PTPRD: variants seen among roughly 807,000 people sequenced by gnomAD.
PTPRD encodes receptor-type tyrosine-protein phosphatase delta.
In PTPRD, 34 loss-of-function variants were observed where a neutral mutation model predicts 214.5. The ratio of observed to expected loss-of-function variants is 0.16; its 90% confidence interval spans 0.12 to 0.21. The LOEUF is 0.21. PTPRD is among the 10% of genes least tolerant of loss of function. The pLI, the probability that PTPRD is intolerant of heterozygous loss-of-function variation, is 1.00. For synonymous variants in PTPRD, 1,128 were observed against 845.7 expected (o/e 1.33, Z -5.79); for missense variants, 2,545 against 2,398.7 (o/e 1.06, Z -1.27).
intron 6 of PTPRD, among the ~76,000 whole-genome samples, chr9:9,739,690 TATA>T (rs1179039554): frequency 6.6e-6 from 1 of 152,064 alleles, no homozygotes; most frequent in Non-Finnish European, 1.5e-5. Flanking sequence ...CAATATATGA[TATA>T]ATATTTTCCA....
chr9:10,365,777 C>G (rs1355061150), intron 2 of PTPRD, among the ~76,000 whole-genome samples: 2 of 152,060 alleles, frequency 1.3e-5, no homozygotes, highest in Non-Finnish European at 2.9e-5. Context: ...GTTAATACTA[C>G]AAATAATATT....
chr9:9,067,691 A>G (rs1356718839), intron 10 of PTPRD, among the ~76,000 whole-genome samples: 3 of 152,232 alleles, frequency 2.0e-5, no homozygotes, highest in Non-Finnish European at 4.4e-5. Flanking sequence ...GAAATAACAC[A>G]GAGAGACATC....
intron 3 of PTPRD, among the ~76,000 whole-genome samples, chr9:10,290,865 A>C (rs950293658): frequency 6.6e-6 from 1 of 152,138 alleles, no homozygotes; most frequent in African/African-American, 2.4e-5. Context: ...GGAAGTACAC[A>C]TGCAAAATCC....
rs1270234345 is a variant in PTPRD at position 8,331,347 on chromosome 9, A to G, written c.5534+235T>C. On this transcript the variant is annotated intron_variant, in intron 44 of 45. Coordinates refer to ENST00000381196, the MANE Select transcript of PTPRD (RefSeq NM_002839.4). ...GTAAAATTGGTAATTTGGTTTGTCT[A>G]ATAGGAAGCAAATTTTTTGGGGGAT... Among the ~76,000 whole-genome samples, 5 of 152,150 alleles carry G rather than the reference A, an allele frequency of 3.3e-5. No homozygotes were observed. The South Asian group carries it at 8.3e-4, about 25-fold the overall frequency.
intron 11 of PTPRD, among the ~76,000 whole-genome samples, chr9:8,967,492 TA>T (rs2099204721): frequency 6.6e-6 from 1 of 151,902 alleles, no homozygotes; most frequent in African/African-American, 2.4e-5. Flanking sequence ...TACATAGCCA[TA>T]AAAAAATAAA....
At chr9:9,768,835 A>G (rs752843647) in intron 5 of PTPRD, among the ~76,000 whole-genome samples, 1 of 152,224 alleles carries the variant, frequency 6.6e-6, no homozygotes, top group African/African-American at 2.4e-5. Context: ...TATCACAGAG[A>G]AACGTGGTAC....
intron 4 of PTPRD, among the ~76,000 whole-genome samples, chr9:9,948,765 C>A (rs1326671367): frequency 6.6e-6 from 1 of 151,684 alleles, no homozygotes; most frequent in Non-Finnish European, 1.5e-5. Flanking sequence ...TTAGCCTAAC[C>A]CAATAAATAG....
chr9:9,384,343 CTTTTTTTTTTT>C (rs869246078), intron 9 of PTPRD, among the ~76,000 whole-genome samples: 32 of 33,288 alleles, frequency 9.6e-4, no homozygotes, highest in South Asian at 1.8e-3. Context: ...GAAGACTAGG[CTTTTTTTTTTT>C]TTTTTTTTTT....
chr9:9,531,736 A>G (rs933176311), intron 8 of PTPRD, among the ~76,000 whole-genome samples: 2 of 152,094 alleles, frequency 1.3e-5, no homozygotes, highest in Non-Finnish European at 2.9e-5. Flanking sequence ...TTTGTGCTCA[A>G]GGTTTTGTTT....
chr9:9,159,129 T>C (rs1378559884), intron 10 of PTPRD, among the ~76,000 whole-genome samples: 1 of 152,198 alleles, frequency 6.6e-6, no homozygotes, highest in Non-Finnish European at 1.5e-5. Flanking sequence ...TGAAAGCTTT[T>C]CCTTTAAGGT....
intron 5 of PTPRD, among the ~76,000 whole-genome samples, chr9:9,865,394 G>C (rs1339624610): frequency 6.6e-6 from 1 of 152,182 alleles, no homozygotes; most frequent in African/African-American, 2.4e-5. Flanking sequence ...TATCATGGGA[G>C]AGGGACTGGT....
intron 9 of PTPRD, among the ~76,000 whole-genome samples, chr9:9,330,895 A>T (rs577467242): frequency 2.0e-5 from 3 of 151,786 alleles, no homozygotes; most frequent in Non-Finnish European, 4.4e-5. Flanking sequence ...ATTTTTGGGG[A>T]AAAGAAGAGC....
intron 11 of PTPRD, among the ~76,000 whole-genome samples, chr9:8,931,207 G>C (rs138918270): frequency 0.011 from 1,744 of 151,802 alleles, 50 homozygotes; most frequent in African/African-American, 0.04. Context: ...AGCACCATTT[G>C]TTAAATAGGG....
At chr9:8,750,060 C>T (rs374713783) in intron 11 of PTPRD, among the ~76,000 whole-genome samples, 6 of 151,728 alleles carry the variant, frequency 4.0e-5, no homozygotes, top group African/African-American at 1.2e-4. Flanking sequence ...CAAGCTCGCG[C>T]CACTGCACTC....
intron 9 of PTPRD, among the ~76,000 whole-genome samples, chr9:9,266,472 A>G (rs1594826550): frequency 6.6e-6 from 1 of 151,538 alleles, no homozygotes; most frequent in East Asian, 2.0e-4. Context: ...CACATGGAAC[A>G]TTCTCCAAGA....
rs919613930 is a variant in PTPRD at position 9,286,544 on chromosome 9, C to T, written c.-202-103181G>A. ...CACATTACTTCCTTTGATGAGCATA[C>T]GTTTTTCTAATTACTTTTTCCCTTA... On this transcript the variant is annotated intron_variant, in intron 9 of 45. Coordinates refer to ENST00000381196, the MANE Select transcript of PTPRD (RefSeq NM_002839.4). 3.3e-5 allele frequency among the ~76,000 whole-genome samples: 5 copies of T among 151,640 alleles called. No individual in the cohort carries two copies. The South Asian group carries it at 6.2e-4, about 19-fold the overall frequency.
chr9:8,721,619 G>C (rs1394008385), intron 12 of PTPRD, among the ~76,000 whole-genome samples: 1 of 152,050 alleles, frequency 6.6e-6, no homozygotes. Flanking sequence ...CATTTACTAT[G>C]TGCAAGGCAT....
intron 5 of PTPRD, among the ~76,000 whole-genome samples, chr9:9,777,714 A>C (rs1302602176): frequency 6.6e-6 from 1 of 152,332 alleles, no homozygotes. Context: ...AAAACAAAAA[A>C]GTTAAATAAA....
chr9:9,795,524 C>T (rs2098996495), intron 5 of PTPRD, among the ~76,000 whole-genome samples: 1 of 152,006 alleles, frequency 6.6e-6, no homozygotes, highest in Non-Finnish European at 1.5e-5. Context: ...AAAGTATAAG[C>T]ATAGTATTGT....
Sources: allele counts gnomAD v4.1 joint callset (sites outside exome capture counted in the v4.1 genomes callset), GRCh38; gene constraint gnomAD v4.1.1; transcripts MANE v1.5; gene names NCBI Gene and HGNC (gene_info 2026-07-23, HGNC 2026-07-21).